The following ZNF827 variants were observed in gnomAD, a reference collection of about 807,000 sequenced individuals.
The protein encoded by ZNF827 is zinc finger protein 827.
In ZNF827, 13 loss-of-function variants were observed where a neutral mutation model predicts 102.4. The observed-to-expected ratio is 0.13, with a 90% CI of 0.08 to 0.20. The LOEUF (loss-of-function observed/expected upper bound fraction) is 0.20, where lower values mean the gene tolerates loss of function less well. Among genes scored for constraint, ZNF827 ranks in the 10% least tolerant of loss-of-function variants. The pLI is 1.00. For synonymous variants in ZNF827, 523 were observed against 536.2 expected, an observed-to-expected ratio of 0.98 and a Z score of 0.34; for missense variants, 1,103 against 1,344.4, an observed-to-expected ratio of 0.82 and a Z score of 2.81.
intron 8 of ZNF827, among the ~76,000 whole-genome samples, chr4:145,799,819 T>C (rs1740711878): frequency 6.6e-6 from 1 of 152,154 alleles, no homozygotes; most frequent in Non-Finnish European, 1.5e-5. Context: ...GATGTGGATG[T>C]GATGGTGGGA....
At chr4:145,858,566 C>T (rs912683423) in intron 5 of ZNF827, among the ~76,000 whole-genome samples, 2 of 150,204 alleles carry the variant, frequency 1.3e-5, no homozygotes, top group African/African-American at 2.4e-5. Context: ...AGCTTGAGGC[C>T]AGGAGTTTGT....
At chr4:145,936,462 A>T (rs1252587462) in intron 1 of ZNF827, among the ~76,000 whole-genome samples, 1 of 151,816 alleles carries the variant, frequency 6.6e-6, no homozygotes, top group Non-Finnish European at 1.5e-5. Flanking sequence ...TTTTTAAAGG[A>T]AGGGGAAAAA....
At position 145,928,291 on chromosome 4, in the gene ZNF827, C is replaced by T. The variant is rs191566853; in HGVS notation, c.43+10074G>A. Among the ~76,000 whole-genome samples, 1,449 of 152,260 alleles carry T rather than the reference C, an allele frequency of 9.5e-3. 23 individuals are homozygous for T. The highest frequency in any genetic ancestry group is 0.012 in the Non-Finnish European group (808 of 68,014). ...GGAGCTTTTAAAAAACGTTCATGCT[C>T]AAGCTCCACTCTGGGTCAATTCAAC... On this transcript the variant is annotated intron_variant, in intron 1 of 14. Coordinates refer to ENST00000508784, the MANE Select transcript of ZNF827 (RefSeq NM_001306215.2).
At chr4:145,835,341 A>G (rs1744702085) in intron 7 of ZNF827, 1 of 151,788 alleles carries the variant, frequency 6.6e-6, no homozygotes, top group African/African-American at 2.4e-5. Flanking sequence ...CCCACTCTAC[A>G]TTACCTTCTT....
At chr4:145,920,254 A>C (rs1237581721) in intron 1 of ZNF827, among the ~76,000 whole-genome samples, 1 of 152,238 alleles carries the variant, frequency 6.6e-6, no homozygotes, top group African/African-American at 2.4e-5. Context: ...AGAAGACAGG[A>C]AACTTCTGGT....
intron 7 of ZNF827, among the ~76,000 whole-genome samples, chr4:145,826,620 T>C (rs1437158299): frequency 6.6e-6 from 1 of 152,224 alleles, no homozygotes; most frequent in Admixed American, 6.5e-5. Flanking sequence ...TATTTTATTA[T>C]TAGTTATTGT....
chr4:145,782,424 G>T (rs1248934266), intron 8 of ZNF827, among the ~76,000 whole-genome samples: 1 of 152,136 alleles, frequency 6.6e-6, no homozygotes, highest in Non-Finnish European at 1.5e-5. Context: ...TGTGAATGAT[G>T]CCACCCAAGT....
chr4:145,865,843 T>C (rs2126736527), intron 5 of ZNF827, among the ~76,000 whole-genome samples: 1 of 152,290 alleles, frequency 6.6e-6, no homozygotes, highest in Non-Finnish European at 1.5e-5. Flanking sequence ...CTGCCCAACA[T>C]GCCCTCATTT....
chr4:145,825,309 A>C (rs1743559686), intron 7 of ZNF827, among the ~76,000 whole-genome samples: 1 of 152,212 alleles, frequency 6.6e-6, no homozygotes. Flanking sequence ...GAGGCAAATG[A>C]GTCTGGACCC....
intron 8 of ZNF827, among the ~76,000 whole-genome samples, chr4:145,811,016 G>A (rs1741955979): frequency 6.7e-6 from 1 of 149,076 alleles, no homozygotes; most frequent in African/African-American, 2.5e-5. Flanking sequence ...TTTTGAGTCA[G>A]GGTTTCACTC....
At chr4:145,923,122 A>C (rs1220875885) in intron 1 of ZNF827, among the ~76,000 whole-genome samples, 1 of 152,224 alleles carries the variant, frequency 6.6e-6, no homozygotes, top group Non-Finnish European at 1.5e-5. Flanking sequence ...AGACCAGTAG[A>C]TTTTAATGCT....
chr4:145,926,479 A>C (rs1247094584), intron 1 of ZNF827, among the ~76,000 whole-genome samples: 1 of 152,200 alleles, frequency 6.6e-6, no homozygotes, highest in Non-Finnish European at 1.5e-5. Context: ...GGGTTGAATC[A>C]GTTTGTAAGA....
chr4:145,774,463 G>T, intron 11 of ZNF827, 43 bp downstream of exon 11: 6 of 1,581,122 alleles, frequency 3.8e-6, no homozygotes, highest in Non-Finnish European at 5.2e-6. Context: ...TGGGGTGCAG[G>T]GGATGGAGAA....
chr4:145,870,567 A>AGTGTG, intron 4 of ZNF827, 89 bp from the exon 5 acceptor site: 4 of 1,172,170 alleles, frequency 3.4e-6, no homozygotes, highest in Non-Finnish European at 3.7e-6. Context: ...TGGAATGCAC[A>AGTGTG]ATCACACTGT....
At chr4:145,904,566 T>C (rs901691843) in intron 1 of ZNF827, among the ~76,000 whole-genome samples, 2 of 152,186 alleles carry the variant, frequency 1.3e-5, no homozygotes, top group African/African-American at 4.8e-5. Context: ...GTGAAGGCCC[T>C]GCTGTGGGAA....
intron 4 of ZNF827, among the ~76,000 whole-genome samples, chr4:145,872,513 G>A (rs752880000): frequency 1.3e-5 from 2 of 152,186 alleles, no homozygotes; most frequent in Admixed American, 6.5e-5. Flanking sequence ...TCCAGTCTGT[G>A]GCATTTTGTT....
intron 11 of ZNF827, among the ~76,000 whole-genome samples, chr4:145,768,189 G>A (rs190980180): frequency 6.8e-4 from 104 of 152,104 alleles, no homozygotes; most frequent in African/African-American, 2.2e-3. Context: ...TTTGGAGACA[G>A]GGTCTCACTC....
In ZNF827 at chr4:145,886,275, C is replaced by T. The variant is rs1452867011; in HGVS notation, c.1267-117G>A. The T allele has an allele frequency of 3.5e-6, 5 of 1,426,588 alleles. No homozygotes were observed. The East Asian group carries it at 1.0e-4, about 29-fold the overall frequency. 88.4% of individuals were successfully genotyped at this position (1,426,588 alleles called of 1,614,324 possible). A position where few individuals can be genotyped will look rare whatever the true frequency, so the allele number is the denominator to read the frequency against. On this transcript the variant is annotated intron_variant, in intron 3 of 14. Coordinates refer to ENST00000508784, the MANE Select transcript of ZNF827 (RefSeq NM_001306215.2). ...ACCGTGCAAAGGGCTGGCCTTTGTA[C>T]TGCAGAGCATTTCACTATGGGGCTC...
chr4:145,848,643 T>C (rs1364900247), intron 6 of ZNF827, among the ~76,000 whole-genome samples: 1 of 152,184 alleles, frequency 6.6e-6, no homozygotes, highest in Non-Finnish European at 1.5e-5. Flanking sequence ...TAGAAGCATA[T>C]TAAATTTGCT....
Sources: gnomAD v4.1 joint callset for allele counts (sites outside exome capture counted in the v4.1 genomes callset) on GRCh38, gnomAD v4.1.1 for gene constraint, MANE v1.5 for transcripts, NCBI Gene and HGNC (gene_info 2026-07-23, HGNC 2026-07-21) for gene names.